Variants in CDH13 observed in about 807,000 individuals in gnomAD.
CDH13 encodes cadherin 13.
CDH13 carries 24 observed loss-of-function variants against 63.8 expected under a neutral mutation model. The observed-to-expected ratio is 0.38, with a 90% CI of 0.27 to 0.53. The LOEUF (loss-of-function observed/expected upper bound fraction) is 0.53. Among genes scored for constraint, CDH13 ranks in the 20% least tolerant of loss-of-function variants. The pLI, the probability that CDH13 is intolerant of heterozygous loss-of-function variation, is 0.85. For synonymous variants in CDH13, 503 were observed against 355.3 expected (o/e 1.42, Z -4.67); for missense variants, 1,049 against 903.1 (o/e 1.16, Z -2.07).
At chr16:82,827,401 G>A (rs1363320684) in intron 1 of CDH13, among the ~76,000 whole-genome samples, 1 of 152,198 alleles carries the variant, frequency 6.6e-6, no homozygotes, top group Non-Finnish European at 1.5e-5. Flanking sequence ...CTCACAGAGT[G>A]AGGGAGGTGG....
In CDH13 at chr16:83,143,556, G is replaced by C. The variant is rs190467892; in HGVS notation, c.483+18055G>C. Reference sequence around the variant, plus strand: ...TACTTGGATAGCAATATTTTGAGTTGTTTTATACACTAGTTCCTTATCTTA... The same window carrying C: ...TACTTGGATAGCAATATTTTGAGTTCTTTTATACACTAGTTCCTTATCTTA... On this transcript the variant is annotated intron_variant, in intron 4 of 13. Transcript: ENST00000567109. Among the ~76,000 whole-genome samples, 46 of 152,250 alleles carry C rather than the reference G, an allele frequency of 3.0e-4. 2 individuals carry two copies. The East Asian group carries it at 8.1e-3, about 27-fold the overall frequency.
chr16:83,515,628 C>G (rs2074682688), intron 7 of CDH13, among the ~76,000 whole-genome samples: 1 of 152,140 alleles, frequency 6.6e-6, no homozygotes. Context: ...TGTAAAATTT[C>G]TCAAATGCTT....
At chr16:83,355,150 G>A (rs1203034160) in intron 6 of CDH13, among the ~76,000 whole-genome samples, 1 of 152,154 alleles carries the variant, frequency 6.6e-6, no homozygotes, top group Non-Finnish European at 1.5e-5. Context: ...GAGAGAAATA[G>A]GGAAACAAGG....
At chr16:82,914,272 G>A (rs984701497) in intron 2 of CDH13, among the ~76,000 whole-genome samples, 3 of 152,258 alleles carry the variant, frequency 2.0e-5, no homozygotes, top group Non-Finnish European at 4.4e-5. Flanking sequence ...TAATGCTTAA[G>A]AAGCATTGAG....
chr16:82,746,240 ACACACTGTT>A (rs2034164441), intron 1 of CDH13, among the ~76,000 whole-genome samples: 2 of 150,818 alleles, frequency 1.3e-5, no homozygotes, highest in Non-Finnish European at 3.0e-5. Flanking sequence ...TTATATATAA[ACACACTGTT>A]TATATATATG....
chr16:83,228,779 G>C (rs1348881800), intron 5 of CDH13, among the ~76,000 whole-genome samples: 3 of 152,192 alleles, frequency 2.0e-5, no homozygotes, highest in Admixed American at 6.5e-5. Context: ...GCTTAGACAT[G>C]ATACTCCTGC....
At chr16:83,727,982 G>C (rs1000832327) in intron 10 of CDH13, among the ~76,000 whole-genome samples, 2 of 152,200 alleles carry the variant, frequency 1.3e-5, no homozygotes, top group African/African-American at 4.8e-5. Context: ...AACTGCCTGA[G>C]GGAAGGCGCT....
chr16:82,681,659 C>T (rs1215488073), intron 1 of CDH13, among the ~76,000 whole-genome samples: 1 of 152,242 alleles, frequency 6.6e-6, no homozygotes, highest in Non-Finnish European at 1.5e-5. Flanking sequence ...CCGTTGCATT[C>T]CCTCACCTTT....
chr16:83,346,201 A>G (rs1329104934), intron 6 of CDH13, among the ~76,000 whole-genome samples: 1 of 152,128 alleles, frequency 6.6e-6, no homozygotes, highest in Non-Finnish European at 1.5e-5. Context: ...TTGGAGGCAG[A>G]TGGCAGAGGA....
intron 6 of CDH13, among the ~76,000 whole-genome samples, chr16:83,375,446 G>T (rs1016765766): frequency 3.3e-5 from 5 of 152,198 alleles, no homozygotes. Flanking sequence ...TACTCATTCT[G>T]CTGACATCTT....
At chr16:83,489,603 A>G (rs2073964198) in intron 7 of CDH13, among the ~76,000 whole-genome samples, 1 of 152,218 alleles carries the variant, frequency 6.6e-6, no homozygotes, top group Admixed American at 6.5e-5. Flanking sequence ...TGCACATCAG[A>G]TGTCCAGTGG....
At chr16:83,299,205 C>G (rs1422297144) in intron 5 of CDH13, among the ~76,000 whole-genome samples, 1 of 151,184 alleles carries the variant, frequency 6.6e-6, no homozygotes, top group African/African-American at 2.4e-5. Context: ...TTTTTAATGG[C>G]TGGAGAAGAT....
At chr16:83,556,445 AAC>A (rs1193423566) in intron 7 of CDH13, among the ~76,000 whole-genome samples, 1 of 152,192 alleles carries the variant, frequency 6.6e-6, no homozygotes, top group Non-Finnish European at 1.5e-5. Context: ...CAAAGCAGGA[AAC>A]ACACATTCTC....
chr16:83,547,389 C>A (rs757458467), intron 7 of CDH13, among the ~76,000 whole-genome samples: 9 of 152,150 alleles, frequency 5.9e-5, no homozygotes, highest in Admixed American at 4.6e-4. Flanking sequence ...GTTTGGTGTA[C>A]AGATTATTTT....
intron 1 of CDH13, among the ~76,000 whole-genome samples, chr16:82,812,241 A>G (rs2037483856): frequency 1.3e-5 from 2 of 152,178 alleles, no homozygotes; most frequent in South Asian, 2.1e-4. Context: ...CTGCATGGCT[A>G]TCTTGCTGGA....
chr16:82,720,245 C>T (rs1347283242), intron 1 of CDH13, among the ~76,000 whole-genome samples: 3 of 152,134 alleles, frequency 2.0e-5, no homozygotes, highest in African/African-American at 7.2e-5. Flanking sequence ...CCTCCTGCCA[C>T]CGTGCAGTTT....
At chr16:83,385,526 C>T (rs1368575217) in intron 6 of CDH13, among the ~76,000 whole-genome samples, 2 of 152,170 alleles carry the variant, frequency 1.3e-5, no homozygotes, top group South Asian at 2.1e-4. Flanking sequence ...ATTAAAATAA[C>T]TTATTTATAA....
chr16:82,690,774 C>T (rs997610757), intron 1 of CDH13, among the ~76,000 whole-genome samples: 1 of 152,246 alleles, frequency 6.6e-6, no homozygotes, highest in African/African-American at 2.4e-5. Context: ...CCTGGCCTGG[C>T]ACAACCTGCT....
intron 2 of CDH13, among the ~76,000 whole-genome samples, chr16:82,924,400 A>G (rs951757470): frequency 7.9e-5 from 12 of 152,234 alleles, no homozygotes; most frequent in Non-Finnish European, 1.8e-4. Flanking sequence ...AAACCCATCT[A>G]GTAATACAGT....
Sources: gnomAD v4.1 joint callset for allele counts (sites outside exome capture counted in the v4.1 genomes callset) on GRCh38, gnomAD v4.1.1 for gene constraint, MANE v1.5 for transcripts, NCBI Gene and HGNC (gene_info 2026-07-23, HGNC 2026-07-21) for gene names.